The following TTLL3 variants were observed in gnomAD, a reference collection of about 807,000 sequenced individuals.
TTLL3 encodes the protein tubulin monoglycylase TTLL3.
In TTLL3, 63 loss-of-function variants were observed where a neutral mutation model predicts 75.2. The observed-to-expected ratio is 0.84, with a 90% CI of 0.68 to 1.03. The LOEUF (loss-of-function observed/expected upper bound fraction) is 1.03. Ranked by LOEUF, TTLL3 falls within the 50% of genes least tolerant of loss-of-function variation. The pLI, the probability that TTLL3 is intolerant of heterozygous loss-of-function variation, is 0.00. For synonymous variants in TTLL3, 393 were observed against 418.5 expected, an observed-to-expected ratio of 0.94 and a Z score of 0.74; for missense variants, 997 against 1,069.9, an observed-to-expected ratio of 0.93 and a Z score of 0.95.
chr3:9,820,871 C>G (rs1021193588), intron 8 of TTLL3, 130 bp downstream of exon 8: 1 of 1,418,318 alleles, frequency 7.1e-7, no homozygotes, highest in Non-Finnish European at 9.3e-7. Flanking sequence ...CTCAGGAACC[C>G]TCGAGGACTC....
At chr3:9,815,302 G>T (rs1444389401) in intron 4 of TTLL3, among the ~76,000 whole-genome samples, 2 of 151,492 alleles carry the variant, frequency 1.3e-5, no homozygotes, top group South Asian at 4.2e-4. Context: ...AGCTTCATAT[G>T]GGTCAATCTC....
chr3:9,824,031 C>G (rs1445616014), intron 8 of TTLL3, among the ~76,000 whole-genome samples: 4 of 152,204 alleles, frequency 2.6e-5, no homozygotes, highest in Admixed American at 2.6e-4. Flanking sequence ...GAGCAAACTT[C>G]CAGGGAGTAC....
intron 6 of TTLL3, chr3:9,818,196 C>T (rs1436145209): frequency 5.7e-6 from 1 of 174,488 alleles, no homozygotes; most frequent in Non-Finnish European, 1.2e-5. Flanking sequence ...ATTTAAATTA[C>T]ATTCAGAATC....
intron 11 of TTLL3, 58 bp from the exon 12 acceptor site, chr3:9,833,046 G>A (rs960276503): frequency 6.3e-7 from 1 of 1,598,232 alleles, no homozygotes; most frequent in African/African-American, 1.3e-5. Flanking sequence ...GGTCCCGCTG[G>A]GCCAAGGATT....
intron 11 of TTLL3, among the ~76,000 whole-genome samples, chr3:9,830,978 A>AT (rs1308694429): frequency 1.3e-5 from 2 of 151,618 alleles, no homozygotes; most frequent in Non-Finnish European, 2.9e-5. Context: ...AATTTTTTGT[A>AT]TTTTAGTAGA....
chr3:9,817,929 A>G (rs2080042823), intron 6 of TTLL3, 170 bp downstream of exon 6: 1 of 849,634 alleles, frequency 1.2e-6, no homozygotes, highest in Non-Finnish European at 1.8e-6. Context: ...CCCTCCCTTA[A>G]TAAGCCTCTT....
intron 7 of TTLL3, chr3:9,819,784 C>G: frequency 1.0e-6 from 1 of 985,486 alleles, no homozygotes; most frequent in South Asian, 4.7e-5. Flanking sequence ...CAGAGAGACT[C>G]CCCCATTGCT....
At chr3:9,819,099 C>A in intron 7 of TTLL3, 179 bp downstream of exon 7, 1 of 784,522 alleles carries the variant, frequency 1.3e-6, no homozygotes. Flanking sequence ...ATCCACTCAT[C>A]CACCCACGTA....
chr3:9,821,669 T>C (rs1217372714), intron 8 of TTLL3, among the ~76,000 whole-genome samples: 1 of 152,236 alleles, frequency 6.6e-6, no homozygotes, highest in African/African-American at 2.4e-5. Context: ...ACTTTCTCTT[T>C]AGCTACTGGA....
At chr3:9,827,477 A>T in intron 10 of TTLL3, 1 of 605,092 alleles carries the variant, frequency 1.7e-6, no homozygotes, top group Non-Finnish European at 2.7e-6. Flanking sequence ...GTCACGGCTC[A>T]CTGTAGCCTT....
Position 9,833,188 on chromosome 3 carries a change from C to T in TTLL3, c.1768C>T (p.Arg590Trp), listed in dbSNP as rs747067477. The change falls in exon 12 of 14, where the codon CGG (arginine) becomes TGG (tryptophan). Residue 590 changes from arginine (R) to tryptophan (W), a missense_variant. Physicochemically the swap from Arg to Trp is moderately radical, Grantham distance 101. Transcript: ENST00000685419. ...CAAGAAGCCCATGGCGATGTGTCAT[C>T]GGCGGATGGGGGTCCGCCCAGCAGT... ...TIKKPMAMCH[R>W]RMGVRPAVPL... 6.8e-6 allele frequency: 11 copies of T among 1,614,006 alleles called. No homozygotes were observed. In the Admixed American group the frequency reaches 1.0e-4, roughly 15 times the overall value.
intron 8 of TTLL3, among the ~76,000 whole-genome samples, chr3:9,823,956 C>T (rs4686375): frequency 0.96 from 146,581 of 152,328 alleles, 70,564 homozygotes; most frequent in East Asian, 1. Flanking sequence ...AAACCCTGTC[C>T]GTGCAGCCCA....
rs2081308997 is a variant in TTLL3, at chr3:9,829,122, C to T, written c.1410C>T (p.Gly470=). 1 of 1,614,260 alleles carries T rather than the reference C, an allele frequency of 6.2e-7. No homozygotes were observed. Among genetic ancestry groups the T allele is most frequent in the African/African-American group, 1.3e-5 (1 of 75,072 alleles). ...PNAWSTIIVP[G]MKDAVIHALQ... ...CTTGGTCCACCATCATCGTGCCTGG[C>T]ATGAAGGATGCTGTGATCCACGCAC... Residue 470 remains glycine, a synonymous_variant, in exon 11 of 14, where the codon GGC becomes GGT. Transcript: ENST00000685419.
chr3:9,828,759 G>A (rs1266975211), intron 10 of TTLL3: 3 of 673,416 alleles, frequency 4.5e-6, no homozygotes, highest in Non-Finnish European at 4.9e-6. Flanking sequence ...GAGCAGCCCT[G>A]AGAGATAAGA....
Position 9,810,767 on chromosome 3 carries a change from C to T in TTLL3, c.48+58C>T, listed in dbSNP as rs2079277539. 4 of 1,459,654 alleles carry T rather than the reference C, an allele frequency of 2.7e-6. No individual in the cohort carries two copies. The highest frequency in any genetic ancestry group is 3.7e-6 in the Non-Finnish European group (4 of 1,083,988). 90.4% of individuals were successfully genotyped at this position (1,459,654 alleles called of 1,614,324 possible). On this transcript the variant is annotated intron_variant, in intron 2 of 13. Coordinates refer to ENST00000685419, the MANE Select transcript of TTLL3 (RefSeq NM_001387446.1). The surrounding 1 kb of genome is among the most constrained non-coding windows in gnomAD (Gnocchi z 4.4). ...CCCTGGGAGCGGCTCAGCCTGTCTCCCTGCGCTGTTTTCTTATATCCTTAA... is the reference window on the plus strand; with the variant it reads ...CCCTGGGAGCGGCTCAGCCTGTCTCTCTGCGCTGTTTTCTTATATCCTTAA...
Position 9,835,303 on chromosome 3 carries a change from G to A in TTLL3, c.2262G>A (p.Arg754=), listed in dbSNP as rs1057281. The change falls in exon 14 of 14, where the codon AGG becomes AGA. Residue 754 remains arginine, a synonymous_variant. Transcript: ENST00000685419. Reference sequence around the variant, plus strand: ...TGCCCCTTGTTGGTACATTCCAGAGGCGCAGGGGCCTGGGGGATATGAAGC... The same window carrying A: ...TGCCCCTTGTTGGTACATTCCAGAGACGCAGGGGCCTGGGGGATATGAAGC... ...KPLPLVGTFQ[R]RRGLGDMKLG... 0.15 allele frequency: 246,408 copies of A among 1,614,034 alleles called. 20,297 individuals are homozygous for A. Among genetic ancestry groups the A allele is most frequent in the African/African-American group, 0.2 (15,378 of 75,018 alleles).
chr3:9,812,981 G>A lies in TTLL3; in HGVS notation c.87G>A (p.Val29=), dbSNP rs1294655106. The part of the protein sequence containing the change: ...KIFTIQGCYP[V]IRCLLRRRGW... ...TTACAATCCAAGGCTGCTACCCGGT[G>A]ATCCGGTGTCTCTTGCGCCGGAGGG... Residue 29 remains valine (V), a synonymous_variant, in exon 3 of 14, where the codon GTG becomes GTA. Coordinates refer to ENST00000685419, the MANE Select transcript of TTLL3 (RefSeq NM_001387446.1). 1 of 1,536,410 alleles carries A rather than the reference G, an allele frequency of 6.5e-7. No homozygotes were observed. Among genetic ancestry groups the A allele is most frequent in the East Asian group, 2.3e-5 (1 of 44,150 alleles).
At chr3:9,819,107 G>A (rs1183702822) in intron 7 of TTLL3, 187 bp downstream of exon 7, 5 of 721,940 alleles carry the variant, frequency 6.9e-6, no homozygotes, top group South Asian at 3.7e-5. Flanking sequence ...ATCCACCCAC[G>A]TATTCACCCA....
intron 2 of TTLL3, among the ~76,000 whole-genome samples, chr3:9,811,353 C>G (rs905174042): frequency 2.0e-5 from 3 of 152,198 alleles, no homozygotes; most frequent in Non-Finnish European, 2.9e-5. Context: ...GTCGTCCTCC[C>G]CAGTCTCCAG....
Sources: gnomAD v4.1 joint callset for allele counts (sites outside exome capture counted in the v4.1 genomes callset) on GRCh38, gnomAD v4.1.1 for gene constraint, Gnocchi (gnomAD v3.1) non-coding constraint, MANE v1.5 for transcripts, NCBI Gene and HGNC (gene_info 2026-07-23, HGNC 2026-07-21) for gene names.